The following CDK14 variants were observed in gnomAD, a reference collection of about 807,000 sequenced individuals.
CDK14 encodes cyclin-dependent kinase 14.
A neutral mutation model predicts 60.7 loss-of-function variants in CDK14; 34 were observed. That is an observed-to-expected ratio of 0.56 (90% CI 0.43 to 0.75). CDK14 has a LOEUF of 0.75. CDK14 is among the 30% of genes least tolerant of loss of function. The pLI is 0.00. For synonymous variants in CDK14, 197 were observed against 203.7 expected (o/e 0.97, Z 0.28); for missense variants, 482 against 564.1 (o/e 0.85, Z 1.47).
At chr7:90,744,202 G>A (rs867914120) in intron 3 of CDK14, among the ~76,000 whole-genome samples, 3 of 152,020 alleles carry the variant, frequency 2.0e-5, no homozygotes, top group African/African-American at 2.4e-5. Flanking sequence ...ATTAGGGAGT[G>A]GTGATGACTC....
At chr7:91,096,857 A>G (rs964508787) in intron 12 of CDK14, among the ~76,000 whole-genome samples, 2 of 152,204 alleles carry the variant, frequency 1.3e-5, no homozygotes, top group East Asian at 1.9e-4. Flanking sequence ...ATGTTTTTGC[A>G]TATGGAGGAG....
chr7:90,681,634 G>T (rs984863300), intron 2 of CDK14, among the ~76,000 whole-genome samples: 7 of 152,140 alleles, frequency 4.6e-5, no homozygotes, highest in African/African-American at 1.7e-4. Context: ...AAAGAATGTG[G>T]CTGTTTCTAT....
Position 90,624,793 on chromosome 7 carries a change from C to T in CDK14, c.123+20544C>T, listed in dbSNP as rs943232645. Among the ~76,000 whole-genome samples the T allele has an allele frequency of 2.6e-5, 4 of 152,130 alleles. No homozygotes were observed. In the East Asian group the frequency reaches 5.8e-4, roughly 22 times the overall value. ...CCCTGAGCTTCAGCGTCCTCATCTG[C>T]GAGTGAAGGCTGTGAGGCAGTCTCA... is the stretch of plus-strand genomic sequence containing the variant. On this transcript the variant is annotated intron_variant, in intron 2 of 14. Coordinates refer to ENST00000380050, the MANE Select transcript of CDK14 (RefSeq NM_001287135.2).
chr7:90,960,465 C>T (rs1007633578), intron 9 of CDK14, among the ~76,000 whole-genome samples: 1 of 152,118 alleles, frequency 6.6e-6, no homozygotes. Flanking sequence ...CATATTAAAT[C>T]ATCCGTTTCT....
At chr7:90,612,741 C>T (rs17863166) in intron 2 of CDK14, among the ~76,000 whole-genome samples, 45,962 of 144,682 alleles carry the variant, frequency 0.32, 8,183 homozygotes, top group East Asian at 0.67. Flanking sequence ...CACTGCACTC[C>T]AGCCCGGGTG....
chr7:90,915,915 C>T (rs548927402), intron 7 of CDK14, among the ~76,000 whole-genome samples: 7 of 152,280 alleles, frequency 4.6e-5, no homozygotes, highest in Non-Finnish European at 8.8e-5. Flanking sequence ...AATTAAAATG[C>T]ATTGCCATGG....
intron 2 of CDK14, chr7:90,709,588 C>T: frequency 6.2e-7 from 1 of 1,613,146 alleles, no homozygotes; most frequent in South Asian, 1.1e-5. Flanking sequence ...CCCGGTTACT[C>T]TGCCTTCGTG....
intron 11 of CDK14, among the ~76,000 whole-genome samples, chr7:91,061,190 A>G (rs964356011): frequency 6.6e-6 from 1 of 152,172 alleles, no homozygotes; most frequent in Non-Finnish European, 1.5e-5. Flanking sequence ...AGTTGATCGA[A>G]TCGGCTACTG....
Position 90,703,859 on chromosome 7 carries a change from G to A in CDK14, c.124-22708G>A, listed in dbSNP as rs564887544. Among the ~76,000 whole-genome samples, 3 of 152,320 alleles carry A rather than the reference G, an allele frequency of 2.0e-5. No individual in the cohort carries two copies. The South Asian group carries it at 6.2e-4, about 32-fold the overall frequency. On this transcript the variant is annotated intron_variant, in intron 2 of 14. Coordinates refer to ENST00000380050, the MANE Select transcript of CDK14 (RefSeq NM_001287135.2). Reference sequence around the variant, plus strand: ...CCTGCTCTTTGGGAGGCCAAGGAGGGTGGATCACTTGAGCCCAAGAGTTTG... The same window carrying A: ...CCTGCTCTTTGGGAGGCCAAGGAGGATGGATCACTTGAGCCCAAGAGTTTG...
intron 2 of CDK14, among the ~76,000 whole-genome samples, chr7:90,615,669 A>G (rs965772787): frequency 6.6e-6 from 1 of 152,194 alleles, no homozygotes; most frequent in Non-Finnish European, 1.5e-5. Flanking sequence ...GAATGTGCCA[A>G]ATATGAAATT....
In CDK14 at chr7:90,955,727, A is replaced by G; in HGVS notation, c.857A>G (p.His286Arg). 6.2e-7 allele frequency: 1 copy of G among 1,613,464 alleles called. No homozygotes were observed. The highest frequency in any genetic ancestry group is 8.5e-7 in the Non-Finnish European group (1 of 1,179,474). ...GLARAKSVPSHTYSNEVVTLW... is the reference protein window; with the variant it reads ...GLARAKSVPSRTYSNEVVTLW... ...GCAAGAGCAAAATCCGTCCCTAGCCACACATACTCCAACGAAGTGGTTACC... is the reference window on the plus strand; with the variant it reads ...GCAAGAGCAAAATCCGTCCCTAGCCGCACATACTCCAACGAAGTGGTTACC... The change falls in exon 9 of 15, where the codon CAC becomes CGC. Residue 286 changes from histidine (H) to arginine (R), a missense_variant. Physicochemically the swap from His to Arg is conservative, Grantham distance 29. Coordinates refer to ENST00000380050, the MANE Select transcript of CDK14 (RefSeq NM_001287135.2).
At chr7:90,665,710 A>T (rs1237272966) in intron 2 of CDK14, among the ~76,000 whole-genome samples, 1 of 152,206 alleles carries the variant, frequency 6.6e-6, no homozygotes, top group African/African-American at 2.4e-5. Flanking sequence ...TGTATGTAAT[A>T]CAGGAGAACT....
intron 14 of CDK14, among the ~76,000 whole-genome samples, chr7:91,172,571 T>C (rs1041531307): frequency 6.6e-6 from 1 of 152,186 alleles, no homozygotes; most frequent in African/African-American, 2.4e-5. Context: ...GTGGGTCCCA[T>C]AGGCTAGATG....
At chr7:90,863,567 C>T in intron 6 of CDK14, among the ~76,000 whole-genome samples, 1 of 152,066 alleles carries the variant, frequency 6.6e-6, no homozygotes, top group East Asian at 1.9e-4. Context: ...TAGGATTCAA[C>T]AGCCTGATGG....
chr7:90,774,301 C>T (rs1804926237), intron 4 of CDK14, among the ~76,000 whole-genome samples: 1 of 152,090 alleles, frequency 6.6e-6, no homozygotes, highest in African/African-American at 2.4e-5. Flanking sequence ...TAATATAAAA[C>T]CTGATCTTCA....
intron 3 of CDK14, among the ~76,000 whole-genome samples, chr7:90,745,543 G>A (rs1179824418): frequency 6.6e-6 from 1 of 152,140 alleles, no homozygotes; most frequent in African/African-American, 2.4e-5. Context: ...AGCCTCCCGA[G>A]TAGCTGGGAC....
At chr7:90,955,661 C>G (rs1470815825) in intron 8 of CDK14, 36 bp from the exon 9 acceptor site, 1 of 1,609,460 alleles carries the variant, frequency 6.2e-7, no homozygotes, top group East Asian at 2.2e-5. Flanking sequence ...TTTGCTAATG[C>G]CTGTTAAACT....
chr7:90,948,977 C>T (rs558245936), intron 8 of CDK14, among the ~76,000 whole-genome samples: 1 of 152,108 alleles, frequency 6.6e-6, no homozygotes, highest in African/African-American at 2.4e-5. Flanking sequence ...TTTTCCACAT[C>T]TATTAATTTC....
chr7:90,696,260 G>A (rs1328423328), intron 2 of CDK14, among the ~76,000 whole-genome samples: 1 of 152,006 alleles, frequency 6.6e-6, no homozygotes, highest in African/African-American at 2.4e-5. Flanking sequence ...TTGAGATGGG[G>A]GAATATCGGA....
Sources: allele counts gnomAD v4.1 joint callset (sites outside exome capture counted in the v4.1 genomes callset), GRCh38; gene constraint gnomAD v4.1.1; transcripts MANE v1.5; gene names NCBI Gene and HGNC (gene_info 2026-07-23, HGNC 2026-07-21).